SPRED1: variants seen among roughly 807,000 people sequenced by gnomAD.
The protein encoded by SPRED1 is sprouty-related, EVH1 domain-containing protein 1.
SPRED1 carries 18 observed loss-of-function variants against 52.3 expected under a neutral mutation model. The observed-to-expected ratio is 0.34, with a 90% CI of 0.24 to 0.51. SPRED1 has a LOEUF of 0.51. Ranked by LOEUF, SPRED1 falls within the 20% of genes least tolerant of loss-of-function variation. SPRED1 has a pLI of 0.97. For missense variants in SPRED1, 485 were observed against 551.0 expected, an observed-to-expected ratio of 0.88 and a Z score of 1.20; for synonymous variants, 155 against 179.7, an observed-to-expected ratio of 0.86 and a Z score of 1.10.
intron 2 of SPRED1, among the ~76,000 whole-genome samples, chr15:38,301,374 T>G (rs144639876): frequency 1.3e-3 from 202 of 152,262 alleles, no homozygotes; most frequent in African/African-American, 4.6e-3. Context: ...ATAGATTATT[T>G]TGCTAGAAGT....
At chr15:38,305,382 GGTT>G (rs1431140321) in intron 2 of SPRED1, among the ~76,000 whole-genome samples, 1 of 150,032 alleles carries the variant, frequency 6.7e-6, no homozygotes, top group Admixed American at 6.6e-5. Flanking sequence ...TTTAAAGGTG[GGTT>G]GTTCATTCAT....
chr15:38,351,578 A>G lies in SPRED1; in HGVS notation c.1249A>G (p.Met417Val). The G allele has an allele frequency of 6.2e-7, 1 of 1,614,104 alleles. No individual in the cohort carries two copies. The highest frequency in any genetic ancestry group is 8.5e-7 in the Non-Finnish European group (1 of 1,180,000). ...LVALSFIVPC[M>V]CCYVPLRMCH... ...AGCTTTGTCTTTCATTGTACCATGT[A>G]TGTGCTGCTACGTCCCTTTGAGAAT... The change falls in exon 7 of 7, where the codon ATG becomes GTG. Residue 417 changes from methionine (M) to valine (V), a missense_variant. Transcript: ENST00000299084.
At chr15:38,333,169 G>A (rs1895840842) in intron 4 of SPRED1, among the ~76,000 whole-genome samples, 1 of 152,112 alleles carries the variant, frequency 6.6e-6, no homozygotes, top group Non-Finnish European at 1.5e-5. Context: ...CAGAATATAG[G>A]GTGATAGATA....
chr15:38,289,235 A>AAG (rs1566856273), intron 1 of SPRED1, among the ~76,000 whole-genome samples: 1 of 151,632 alleles, frequency 6.6e-6, no homozygotes, highest in Non-Finnish European at 1.5e-5. Flanking sequence ...AATGGAAAAA[A>AAG]AAAAGGTAAT....
At position 38,356,039 on chromosome 15, in the gene SPRED1, T is replaced by G. The variant is rs1217248479; in HGVS notation, c.*4375T>G. The stretch of plus-strand genomic sequence containing the variant: ...AATGTTAGCCATTATTCCTGAAAGC[T>G]TCTTAAATTGCATCAGTTGTTTTGA... On this transcript the variant is annotated 3_prime_UTR_variant, in exon 7 of 7. Coordinates refer to ENST00000299084, the MANE Select transcript of SPRED1 (RefSeq NM_152594.3). 6.6e-6 allele frequency: 1 copy of G among 152,196 alleles called. No individual in the cohort carries two copies. The highest frequency in any genetic ancestry group is 1.5e-5 in the Non-Finnish European group (1 of 68,010). 9.4% of individuals were successfully genotyped at this position (152,196 alleles called of 1,614,324 possible).
intron 5 of SPRED1, among the ~76,000 whole-genome samples, chr15:38,340,489 C>A (rs189040012): frequency 6.6e-6 from 1 of 152,076 alleles, no homozygotes; most frequent in Admixed American, 6.5e-5. Context: ...ATTTTTAAGT[C>A]TGCGCTTATA....
chr15:38,320,067 A>G (rs987146250), intron 2 of SPRED1, among the ~76,000 whole-genome samples: 2 of 152,176 alleles, frequency 1.3e-5, no homozygotes, highest in African/African-American at 4.8e-5. Flanking sequence ...AAATATAGTA[A>G]AATAATTAGG....
At chr15:38,303,113 G>C (rs547241406) in intron 2 of SPRED1, among the ~76,000 whole-genome samples, 1 of 152,194 alleles carries the variant, frequency 6.6e-6, no homozygotes, top group Non-Finnish European at 1.5e-5. Context: ...GAACCCGGGA[G>C]GCGTAGGTGG....
At chr15:38,261,796 G>A (rs1457302417) in intron 1 of SPRED1, among the ~76,000 whole-genome samples, 1 of 152,160 alleles carries the variant, frequency 6.6e-6, no homozygotes, top group Non-Finnish European at 1.5e-5. Context: ...CATTTTGCTT[G>A]AGCTGTTCAT....
intron 2 of SPRED1, among the ~76,000 whole-genome samples, chr15:38,306,884 A>G (rs1321175397): frequency 6.6e-6 from 1 of 151,896 alleles, no homozygotes; most frequent in South Asian, 2.1e-4. Context: ...CCTCTTTACA[A>G]TTTATTTTAA....
At chr15:38,283,892 C>T (rs1202616177) in intron 1 of SPRED1, among the ~76,000 whole-genome samples, 2 of 151,998 alleles carry the variant, frequency 1.3e-5, no homozygotes, top group African/African-American at 4.8e-5. Context: ...AACTGCCTTA[C>T]TAATAGTAAA....
intron 1 of SPRED1, among the ~76,000 whole-genome samples, chr15:38,293,350 G>A (rs766342694): frequency 1.4e-4 from 21 of 151,756 alleles, no homozygotes; most frequent in Non-Finnish European, 5.9e-5. Context: ...CACCTGCCTC[G>A]GCCTCCCAAA....
chr15:38,267,162 A>G (rs1894324446), intron 1 of SPRED1, among the ~76,000 whole-genome samples: 1 of 152,120 alleles, frequency 6.6e-6, no homozygotes, highest in South Asian at 2.1e-4. Context: ...TACACATATT[A>G]TTTACCTGAT....
chr15:38,338,711 C>T (rs370286468), intron 4 of SPRED1, among the ~76,000 whole-genome samples: 5 of 151,948 alleles, frequency 3.3e-5, no homozygotes, highest in South Asian at 2.1e-4. Context: ...AAAATAGCAT[C>T]GGTATTACAA....
intron 4 of SPRED1, among the ~76,000 whole-genome samples, chr15:38,326,702 C>G (rs376181917): frequency 6.6e-6 from 1 of 152,254 alleles, no homozygotes; most frequent in African/African-American, 2.4e-5. Flanking sequence ...TTTTTCAAAG[C>G]ATTATATTGG....
chr15:38,263,839 C>T (rs565819914), intron 1 of SPRED1, among the ~76,000 whole-genome samples: 1 of 152,244 alleles, frequency 6.6e-6, no homozygotes, highest in South Asian at 2.1e-4. Context: ...AAAAAAATCT[C>T]ATAATGTTAT....
chr15:38,324,183 A>T (rs1241943904), intron 3 of SPRED1, among the ~76,000 whole-genome samples: 6 of 152,178 alleles, frequency 3.9e-5, no homozygotes, highest in Non-Finnish European at 8.8e-5. Flanking sequence ...AACTAAGAGT[A>T]CTTTGCTAGG....
intron 4 of SPRED1, among the ~76,000 whole-genome samples, chr15:38,327,727 A>G (rs979321870): frequency 2.6e-5 from 4 of 152,242 alleles, no homozygotes; most frequent in African/African-American, 7.2e-5. Context: ...CATGGGGACT[A>G]TGAGCCAGAA....
At chr15:38,316,810 G>A (rs1895497640) in intron 2 of SPRED1, among the ~76,000 whole-genome samples, 1 of 104,106 alleles carries the variant, frequency 9.6e-6, no homozygotes, top group East Asian at 3.6e-4. Context: ...TGCATTTGTA[G>A]ATGATGAAAA....
Sources: gnomAD v4.1 joint callset for allele counts (sites outside exome capture counted in the v4.1 genomes callset) on GRCh38, gnomAD v4.1.1 for gene constraint, MANE v1.5 for transcripts, NCBI Gene and HGNC (gene_info 2026-07-23, HGNC 2026-07-21) for gene names.